The following RERE variants were observed in gnomAD, a reference collection of about 807,000 sequenced individuals.
RERE encodes arginine-glutamic acid dipeptide repeats.
A neutral mutation model predicts 146.1 loss-of-function variants in RERE; 40 were observed. The observed-to-expected ratio is 0.27, with a 90% CI of 0.21 to 0.36. RERE has a LOEUF of 0.36. RERE is among the 10% of genes least tolerant of loss of function. The pLI is 1.00. For missense variants in RERE, 1,933 were observed against 2,138.7 expected (o/e 0.90, Z 1.90); for synonymous variants, 1,003 against 866.0 (o/e 1.16, Z -2.78).
chr1:8,475,323 G>A (rs542223813), intron 10 of RERE, among the ~76,000 whole-genome samples: 7 of 151,288 alleles, frequency 4.6e-5, no homozygotes, highest in Admixed American at 6.6e-5. Context: ...GCAGTTAGCC[G>A]AGACCGCGCC....
chr1:8,354,498 A>G lies in RERE; in HGVS notation c.*589T>C, dbSNP rs945627024. 2.0e-5 allele frequency: 3 copies of G among 152,300 alleles called. No homozygotes were observed. The highest frequency in any genetic ancestry group is 7.2e-5 in the African/African-American group (3 of 41,462). The allele number at this position is 152,300 out of a possible 1,614,324, so 9.4% of individuals were successfully genotyped here. ...AATTAGTGACATGGCTGGAAAAAAT[A>G]GATCACAATAGTAGTTTATGGAAGA... is the stretch of plus-strand genomic sequence containing the variant. On this transcript the variant is annotated 3_prime_UTR_variant, in exon 23 of 23. Coordinates refer to ENST00000400908, the MANE Select transcript of RERE (RefSeq NM_001042681.2).
At chr1:8,554,801 C>T (rs1187875851) in intron 6 of RERE, among the ~76,000 whole-genome samples, 2 of 151,794 alleles carry the variant, frequency 1.3e-5, no homozygotes, top group Non-Finnish European at 2.9e-5. Context: ...AGTCACCGGT[C>T]CCAGCTAACA....
intron 11 of RERE, among the ~76,000 whole-genome samples, chr1:8,448,540 C>CTT (rs1644351668): frequency 1.3e-5 from 2 of 152,076 alleles, no homozygotes; most frequent in Non-Finnish European, 2.9e-5. Flanking sequence ...GGGTGGATCA[C>CTT]GAAGTCAGGA....
chr1:8,771,516 T>C (rs1418681185), intron 1 of RERE, among the ~76,000 whole-genome samples: 1 of 99,154 alleles, frequency 1.0e-5, no homozygotes, highest in Non-Finnish European at 2.0e-5. Context: ...AGAGAGAAAC[T>C]TGTTTCAAAA....
chr1:8,406,341 A>G (rs1454027197), intron 12 of RERE, among the ~76,000 whole-genome samples: 1 of 152,026 alleles, frequency 6.6e-6, no homozygotes, highest in African/African-American at 2.4e-5. Context: ...CAGAAGTGCT[A>G]AGATTATAGG....
chr1:8,729,217 A>AT (rs1173630956), intron 1 of RERE, among the ~76,000 whole-genome samples: 42,558 of 100,426 alleles, frequency 0.42, 10,803 homozygotes, highest in East Asian at 0.85. Context: ...AGCTACACCG[A>AT]TTTTTTTTTT....
intron 1 of RERE, 124 bp from the exon 2 acceptor site, chr1:8,656,565 G>A (rs1305365585): frequency 5.2e-6 from 2 of 386,204 alleles, no homozygotes; most frequent in Non-Finnish European, 9.0e-6. Context: ...AGCCACAGGA[G>A]AAAAATTAAG....
intron 12 of RERE, among the ~76,000 whole-genome samples, chr1:8,395,036 C>A (rs967810525): frequency 6.6e-6 from 1 of 152,084 alleles, no homozygotes; most frequent in Non-Finnish European, 1.5e-5. Flanking sequence ...CCAAACAGCC[C>A]AAAGGCATTC....
chr1:8,355,263 A>G, intron 22 of RERE, 143 bp from the exon 23 acceptor site: 2 of 1,127,406 alleles, frequency 1.8e-6, no homozygotes, highest in Non-Finnish European at 2.6e-6. Flanking sequence ...CCCTCCCAAC[A>G]CCTCCCTTCC....
At chr1:8,736,738 T>A (rs1002567087) in intron 1 of RERE, among the ~76,000 whole-genome samples, 19 of 151,584 alleles carry the variant, frequency 1.3e-4, no homozygotes, top group African/African-American at 4.6e-4. Flanking sequence ...AAAGTAAAAC[T>A]GCCCTAAGTG....
At chr1:8,651,665 G>A (rs754680282) in intron 2 of RERE, among the ~76,000 whole-genome samples, 3 of 151,760 alleles carry the variant, frequency 2.0e-5, no homozygotes, top group Non-Finnish European at 4.4e-5. Flanking sequence ...GGTCAAGGCT[G>A]CAGTGAGCTG....
In RERE at chr1:8,358,911, C is replaced by T. The variant is rs201120505; in HGVS notation, c.3624G>A (p.Ala1208=). 1.8e-5 allele frequency: 27 copies of T among 1,522,718 alleles called. No homozygotes were observed. Among genetic ancestry groups the T allele is most frequent in the South Asian group, 7.7e-5 (6 of 78,230 alleles). The allele number at this position is 1,522,718 out of a possible 1,614,324, so 94.3% of individuals were successfully genotyped here. A position where few individuals can be genotyped will look rare whatever the true frequency, so the allele number is the denominator to read the frequency against. ...REREAERAAK[A]SSSAHEGRLS... ...GGCGACCTTCATGCGCTGAGCTGGA[C>T]GCCTTCTGCAGAAGGAAAAGAAAGC... Residue 1208 remains alanine, a synonymous_variant, in exon 20 of 23, where the codon GCG becomes GCA. Transcript: ENST00000400908.
intron 7 of RERE, among the ~76,000 whole-genome samples, chr1:8,509,000 C>T (rs985667050): frequency 1.1e-4 from 16 of 152,116 alleles, no homozygotes; most frequent in African/African-American, 3.9e-4. Context: ...CTGCAACCTC[C>T]GCCTCTTGGG....
At chr1:8,433,782 G>C (rs1302267378) in intron 11 of RERE, among the ~76,000 whole-genome samples, 1 of 151,022 alleles carries the variant, frequency 6.6e-6, no homozygotes, top group African/African-American at 2.4e-5. Flanking sequence ...GGATGGTCTC[G>C]ATCTCCTGAC....
At chr1:8,478,737 G>A (rs984265316) in intron 10 of RERE, among the ~76,000 whole-genome samples, 1 of 152,146 alleles carries the variant, frequency 6.6e-6, no homozygotes, top group Non-Finnish European at 1.5e-5. Flanking sequence ...GTTTATCCCA[G>A]GCCAGCTCAA....
At chr1:8,378,643 G>A (rs1642344756) in intron 12 of RERE, among the ~76,000 whole-genome samples, 1 of 152,210 alleles carries the variant, frequency 6.6e-6, no homozygotes, top group Non-Finnish European at 1.5e-5. Flanking sequence ...AGAGGCCTCA[G>A]GAGAACCAAC....
chr1:8,353,403 GCCTGGGT>G lies in RERE; in HGVS notation c.*1677_*1683del, dbSNP rs1557577837. 1 of 152,236 alleles carries G rather than the reference GCCTGGGT, an allele frequency of 6.6e-6. No individual in the cohort carries two copies. The allele number at this position is 152,236 out of a possible 1,614,324, so 9.4% of individuals were successfully genotyped here. On this transcript the variant is annotated 3_prime_UTR_variant, in exon 23 of 23. Coordinates refer to ENST00000400908, the MANE Select transcript of RERE (RefSeq NM_001042681.2). ...AGCATCTCTTCCTGCTCCCTCTGCG[GCCTGGGT>G]CCTGGATGGACTTTGTGTCCGCCGA...
chr1:8,373,270 G>A (rs79517889), intron 12 of RERE, among the ~76,000 whole-genome samples: 5,033 of 152,166 alleles, frequency 0.033, 285 homozygotes, highest in African/African-American at 0.11. Flanking sequence ...TCTACACAAT[G>A]CCTTAACTCT....
chr1:8,751,051 G>A (rs1640525138), intron 1 of RERE: 1 of 582,530 alleles, frequency 1.7e-6, no homozygotes, highest in South Asian at 2.0e-5. Context: ...ACTTCCTGTG[G>A]CCCTTCAAAT....
Sources: gnomAD v4.1 joint callset for allele counts (sites outside exome capture counted in the v4.1 genomes callset) on GRCh38, gnomAD v4.1.1 for gene constraint, MANE v1.5 for transcripts, NCBI Gene and HGNC (gene_info 2026-07-23, HGNC 2026-07-21) for gene names.